Variants in PRKCQ observed in about 807,000 individuals in gnomAD.
PRKCQ encodes protein kinase C theta type.
A neutral mutation model predicts 91.2 loss-of-function variants in PRKCQ; 41 were observed. The observed-to-expected ratio is 0.45, with a 90% CI of 0.35 to 0.58. The LOEUF is 0.58. PRKCQ is among the 20% of genes least tolerant of loss of function. The probability of loss-of-function intolerance (pLI) is 0.00; values close to 1 mark genes in which losing one functional copy is unlikely to be tolerated. For missense variants in PRKCQ, 673 were observed against 896.5 expected, an observed-to-expected ratio of 0.75 and a Z score of 3.18; for synonymous variants, 307 against 316.9, an observed-to-expected ratio of 0.97 and a Z score of 0.33.
rs1837707006 is a variant in PRKCQ at position 6,497,993 on chromosome 10, A to G, written c.542+403T>C. ...ATACCCAAGAGCCTCATAAGCATTT[A>G]AACCATTAGCTACAATGGCAGAGTG... On this transcript the variant is annotated intron_variant, in intron 5 of 17. Transcript: ENST00000263125. The surrounding 1 kb of genome is among the most constrained non-coding windows in gnomAD (Gnocchi z 4.5). Among the ~76,000 whole-genome samples the G allele has an allele frequency of 2.0e-5, 3 of 152,210 alleles. No individual in the cohort carries two copies. Among genetic ancestry groups the G allele is most frequent in the Admixed American group, 2.0e-4 (3 of 15,276 alleles).
At chr10:6,548,231 C>A (rs1194456431) in intron 1 of PRKCQ, among the ~76,000 whole-genome samples, 2 of 150,752 alleles carry the variant, frequency 1.3e-5, no homozygotes, top group Non-Finnish European at 3.0e-5. Flanking sequence ...GGTCAGGAAA[C>A]AACAGGTGCT....
chr10:6,491,203 G>C (rs1837275662), intron 8 of PRKCQ, among the ~76,000 whole-genome samples: 2 of 152,184 alleles, frequency 1.3e-5, no homozygotes, highest in African/African-American at 4.8e-5. Flanking sequence ...TTCTGTGCAG[G>C]ACCATGTGTC....
At chr10:6,411,582 C>T in the PRKCQ span, among the ~76,000 whole-genome samples, 4 of 152,276 alleles carry the variant, frequency 2.6e-5, no homozygotes, top group Non-Finnish European at 4.4e-5. Context: ...GCCTTTAGAC[C>T]GAACCCTGTT....
the PRKCQ span, among the ~76,000 whole-genome samples, chr10:6,413,482 ACACACAC>A: frequency 2.8e-5 from 1 of 35,984 alleles, no homozygotes; most frequent in Non-Finnish European, 6.4e-5. Context: ...TGTCACACAC[ACACACAC>A]ACACACACAC....
chr10:6,429,967 A>T (rs949989632), intron 17 of PRKCQ, among the ~76,000 whole-genome samples: 1 of 149,928 alleles, frequency 6.7e-6, no homozygotes, highest in Non-Finnish European at 1.5e-5. Context: ...CAATCCTCCC[A>T]CCTCAGCCTC....
intron 17 of PRKCQ, among the ~76,000 whole-genome samples, chr10:6,428,724 G>C (rs1833254903): frequency 6.6e-6 from 1 of 152,168 alleles, no homozygotes; most frequent in African/African-American, 2.4e-5. Context: ...ACACAAGGTG[G>C]GGATAAGGGA....
At chr10:6,394,235 ACT>A in the PRKCQ span, among the ~76,000 whole-genome samples, 4 of 152,124 alleles carry the variant, frequency 2.6e-5, no homozygotes, top group African/African-American at 9.7e-5. Flanking sequence ...ACTTTGACAC[ACT>A]CTGGGTCCTC....
At chr10:6,543,666 AG>A (rs1382624229) in intron 1 of PRKCQ, among the ~76,000 whole-genome samples, 1 of 152,196 alleles carries the variant, frequency 6.6e-6, no homozygotes, top group Non-Finnish European at 1.5e-5. Context: ...CAACTCACAC[AG>A]CAGGTTGCTG....
chr10:6,492,282 A>G (rs962325883), intron 7 of PRKCQ, among the ~76,000 whole-genome samples: 9 of 151,872 alleles, frequency 5.9e-5, no homozygotes, highest in African/African-American at 2.2e-4. Context: ...AAACATTTCT[A>G]TGGGTTTATC....
At chr10:6,410,197 C>A in the PRKCQ span, among the ~76,000 whole-genome samples, 1 of 152,144 alleles carries the variant, frequency 6.6e-6, no homozygotes, top group East Asian at 1.9e-4. Context: ...TGTTCTCAGG[C>A]CTTTCTTATT....
At chr10:6,438,584 G>T (rs940832940) in intron 16 of PRKCQ, among the ~76,000 whole-genome samples, 2 of 152,066 alleles carry the variant, frequency 1.3e-5, no homozygotes, top group Non-Finnish European at 2.9e-5. Context: ...ACTTCCTTTA[G>T]ATGTGCTAGA....
chr10:6,433,817 G>T (rs912720424), intron 16 of PRKCQ, among the ~76,000 whole-genome samples: 1 of 151,972 alleles, frequency 6.6e-6, no homozygotes, highest in Non-Finnish European at 1.5e-5. Context: ...GATCACCTGA[G>T]GTCAGGAGTT....
At chr10:6,568,483 A>T (rs1588433541) in intron 1 of PRKCQ, among the ~76,000 whole-genome samples, 1 of 148,446 alleles carries the variant, frequency 6.7e-6, no homozygotes, top group African/African-American at 2.5e-5. Flanking sequence ...TTATTTCCTG[A>T]TCACTCTTAG....
At chr10:6,468,448 A>G (rs574589438) in intron 12 of PRKCQ, among the ~76,000 whole-genome samples, 53 of 152,370 alleles carry the variant, frequency 3.5e-4, no homozygotes, top group African/African-American at 9.9e-4. Context: ...TGCATATATT[A>G]TAGGATGAAT....
intron 14 of PRKCQ, among the ~76,000 whole-genome samples, chr10:6,457,817 T>C (rs1835094263): frequency 6.6e-6 from 1 of 152,246 alleles, no homozygotes; most frequent in Non-Finnish European, 1.5e-5. Context: ...ATATTGAGTT[T>C]ATTGTAAACT....
At chr10:6,487,832 T>C (rs963787874) in intron 8 of PRKCQ, among the ~76,000 whole-genome samples, 1 of 151,894 alleles carries the variant, frequency 6.6e-6, no homozygotes, top group Non-Finnish European at 1.5e-5. Flanking sequence ...ACCTCATCTC[T>C]ACTAAAAATA....
chr10:6,554,166 C>T (rs939722305), intron 1 of PRKCQ, among the ~76,000 whole-genome samples: 5 of 152,096 alleles, frequency 3.3e-5, no homozygotes, highest in Non-Finnish European at 7.3e-5. Flanking sequence ...GGAATTGAAA[C>T]CCACGACCGT....
chr10:6,502,287 G>A (rs555223841), intron 4 of PRKCQ, among the ~76,000 whole-genome samples: 5 of 152,310 alleles, frequency 3.3e-5, no homozygotes, highest in South Asian at 4.1e-4. Flanking sequence ...GAAAAGAAAC[G>A]TCCTGGCAGA....
At chr10:6,423,569 C>T (rs894252390), downstream of PRKCQ, among the ~76,000 whole-genome samples, 2 of 152,144 alleles carry the variant, frequency 1.3e-5, no homozygotes, top group African/African-American at 4.8e-5. Flanking sequence ...TGCAAGACTC[C>T]CAGCACCTTG....
Sources: gnomAD v4.1 joint callset for allele counts (sites outside exome capture counted in the v4.1 genomes callset) on GRCh38, gnomAD v4.1.1 for gene constraint, Gnocchi (gnomAD v3.1) non-coding constraint, MANE v1.5 for transcripts, NCBI Gene and HGNC (gene_info 2026-07-23, HGNC 2026-07-21) for gene names.